Variants in NALF1 observed in about 807,000 individuals in gnomAD.
The protein encoded by NALF1 is NALCN channel auxiliary factor 1, also known as family with sequence similarity 155 member A.
Under a neutral mutation model 48.4 loss-of-function variants are expected in NALF1, and 3 were observed. That is an observed-to-expected ratio of 0.06 (90% CI 0.03 to 0.16). The LOEUF is 0.16. NALF1 is among the 10% of genes least tolerant of loss of function. The pLI is 1.00. For missense variants in NALF1, 526 were observed against 571.5 expected (o/e 0.92, Z 0.81); for synonymous variants, 262 against 245.7 (o/e 1.07, Z -0.62).
intron 1 of NALF1, among the ~76,000 whole-genome samples, chr13:107,454,298 A>G (rs779274731): frequency 1.3e-5 from 2 of 152,166 alleles, no homozygotes; most frequent in East Asian, 1.9e-4. Flanking sequence ...GTAATTCATA[A>G]AAGAAAGAGG....
At chr13:107,733,738 A>T (rs1398618818) in intron 1 of NALF1, among the ~76,000 whole-genome samples, 1 of 152,316 alleles carries the variant, frequency 6.6e-6, no homozygotes, top group Non-Finnish European at 1.5e-5. Context: ...TCATTAGTGA[A>T]TCTTAATTTA....
At chr13:107,705,930 T>C (rs746726405) in intron 1 of NALF1, among the ~76,000 whole-genome samples, 3 of 151,896 alleles carry the variant, frequency 2.0e-5, no homozygotes, top group Non-Finnish European at 4.4e-5. Context: ...TAATACATAA[T>C]GCAGATATTT....
In NALF1 at chr13:107,213,064, C is replaced by G. The variant is rs184319488; in HGVS notation, c.916-2309G>C. 1.2e-4 allele frequency among the ~76,000 whole-genome samples: 19 copies of G among 152,190 alleles called. No homozygotes were observed. In the East Asian group the frequency reaches 2.9e-3, roughly 23 times the overall value. ...CATAAAGTCTTAAGAAACAACGTCT[C>G]CTCTCTCGCAGACGGTGGGGCGTCC... On this transcript the variant is annotated intron_variant, in intron 1 of 2. Coordinates refer to ENST00000375915, the MANE Select transcript of NALF1 (RefSeq NM_001080396.3).
intron 1 of NALF1, among the ~76,000 whole-genome samples, chr13:107,607,971 T>C (rs914803389): frequency 6.6e-6 from 1 of 152,234 alleles, no homozygotes; most frequent in Non-Finnish European, 1.5e-5. Context: ...ACTGAAATGC[T>C]GGACTACAAG....
At chr13:107,470,802 T>C (rs1885088345) in intron 1 of NALF1, among the ~76,000 whole-genome samples, 1 of 152,266 alleles carries the variant, frequency 6.6e-6, no homozygotes, top group South Asian at 2.1e-4. Flanking sequence ...TATTATAATA[T>C]AATACACATA....
intron 1 of NALF1, among the ~76,000 whole-genome samples, chr13:107,228,865 C>G (rs1277726241): frequency 2.0e-5 from 3 of 152,108 alleles, no homozygotes; most frequent in Non-Finnish European, 4.4e-5. Context: ...AGGTAATCCA[C>G]CCGCCTTGGC....
chr13:107,606,806 T>C (rs1402636727), intron 1 of NALF1, among the ~76,000 whole-genome samples: 3 of 152,222 alleles, frequency 2.0e-5, no homozygotes, highest in Admixed American at 2.0e-4. Flanking sequence ...TTTTCTGTGC[T>C]ATGATATTAC....
At chr13:107,340,487 T>TCTCTC (rs879919656) in intron 1 of NALF1, among the ~76,000 whole-genome samples, 5,594 of 36,644 alleles carry the variant, frequency 0.15, 262 homozygotes, top group East Asian at 0.16. Flanking sequence ...CTTTCTTTCT[T>TCTCTC]TTTGTCTTTC....
At chr13:107,836,506 A>T (rs1432059362) in intron 1 of NALF1, among the ~76,000 whole-genome samples, 5 of 152,036 alleles carry the variant, frequency 3.3e-5, no homozygotes, top group Non-Finnish European at 7.4e-5. Context: ...TTTCTCACTG[A>T]AAAAAATGGA....
intron 1 of NALF1, among the ~76,000 whole-genome samples, chr13:107,552,600 T>C (rs1877326459): frequency 6.6e-6 from 1 of 152,120 alleles, no homozygotes; most frequent in South Asian, 2.1e-4. Context: ...GGAACACCAC[T>C]TACAGGCACC....
At chr13:107,420,444 T>C (rs1884166339) in intron 1 of NALF1, among the ~76,000 whole-genome samples, 1 of 152,166 alleles carries the variant, frequency 6.6e-6, no homozygotes, top group Admixed American at 6.6e-5. Context: ...TAGCATTTTT[T>C]TATTATGAAG....
chr13:107,837,914 AC>A lies in NALF1; in HGVS notation c.915+27767del, dbSNP rs199707928. On this transcript the variant is annotated intron_variant, in intron 1 of 2. Transcript: ENST00000375915. ...AAGGGATCCTCCATCAATACAGTATACAGATTAAAAAAAAACACGGTAAAAA... is the reference window on the plus strand; with the variant it reads ...AAGGGATCCTCCATCAATACAGTATAAGATTAAAAAAAAACACGGTAAAAA... Among the ~76,000 whole-genome samples the A allele has an allele frequency of 6.3e-3, 922 of 145,426 alleles. 7 individuals are homozygous for A. The highest frequency in any genetic ancestry group is 0.022 in the African/African-American group (878 of 40,674).
intron 1 of NALF1, among the ~76,000 whole-genome samples, chr13:107,511,188 C>T (rs1218567790): frequency 2.0e-5 from 3 of 152,178 alleles, no homozygotes; most frequent in Admixed American, 6.5e-5. Flanking sequence ...GAAGTGACTT[C>T]TTCAGGGGAC....
At chr13:107,284,196 C>T (rs554740855) in intron 1 of NALF1, among the ~76,000 whole-genome samples, 4 of 152,170 alleles carry the variant, frequency 2.6e-5, no homozygotes, top group Non-Finnish European at 4.4e-5. Flanking sequence ...ATTTAGAAAG[C>T]TACACATATG....
intron 1 of NALF1, among the ~76,000 whole-genome samples, chr13:107,394,945 C>T (rs983441092): frequency 2.0e-5 from 3 of 152,276 alleles, no homozygotes; most frequent in Middle Eastern, 3.4e-3. Context: ...ACCAGTGGGG[C>T]CCTCCAATGG....
chr13:107,168,280 T>C lies in NALF1; in HGVS notation c.*2217A>G, dbSNP rs1052200856. ...TCTGCTTCTCGTCCCCCCAGCGCCA[T>C]TGAAATCTGTATTCCACCATTGGTT... is the stretch of plus-strand genomic sequence containing the variant. On this transcript the variant is annotated 3_prime_UTR_variant, in exon 3 of 3. Transcript: ENST00000375915. The C allele has an allele frequency of 1.3e-5, 2 of 152,244 alleles. No homozygotes were observed. The highest frequency in any genetic ancestry group is 1.9e-4 in the East Asian group (1 of 5,182). The allele number at this position is 152,244 out of a possible 1,614,324, so 9.4% of individuals were successfully genotyped here.
chr13:107,799,067 C>A (rs996382779), intron 1 of NALF1, among the ~76,000 whole-genome samples: 1 of 152,136 alleles, frequency 6.6e-6, no homozygotes, highest in African/African-American at 2.4e-5. Context: ...TAGTCCACAT[C>A]GGCTTGCTCA....
chr13:107,612,925 G>C (rs1371361418), intron 1 of NALF1, among the ~76,000 whole-genome samples: 1 of 151,734 alleles, frequency 6.6e-6, no homozygotes, highest in Non-Finnish European at 1.5e-5. Context: ...CAGCCTATTG[G>C]CTCCATTTCT....
intron 1 of NALF1, among the ~76,000 whole-genome samples, chr13:107,452,247 C>T (rs75129193): frequency 0.012 from 1,846 of 152,242 alleles, 21 homozygotes; most frequent in South Asian, 0.036. Flanking sequence ...CATGGCCTTA[C>T]GTGTGTTATT....
Sources: gnomAD v4.1 joint callset for allele counts (sites outside exome capture counted in the v4.1 genomes callset) on GRCh38, gnomAD v4.1.1 for gene constraint, MANE v1.5 for transcripts, NCBI Gene and HGNC (gene_info 2026-07-23, HGNC 2026-07-21) for gene names.